The following CSMD3 variants were observed in gnomAD, a reference collection of about 807,000 sequenced individuals.
CSMD3 encodes CUB and sushi domain-containing protein 3.
A neutral mutation model predicts 435.2 loss-of-function variants in CSMD3; 177 were observed. The observed-to-expected ratio is 0.41, with a 90% CI of 0.36 to 0.46. CSMD3 has a LOEUF of 0.46. Ranked by LOEUF, CSMD3 falls within the 20% of genes least tolerant of loss-of-function variation. CSMD3 has a pLI of 0.34. For synonymous variants in CSMD3, 1,656 were observed against 1,520.5 expected, an observed-to-expected ratio of 1.09 and a Z score of -2.07; for missense variants, 4,265 against 4,504.6, an observed-to-expected ratio of 0.95 and a Z score of 1.52.
At chr8:113,061,833 A>T (rs953724346) in intron 5 of CSMD3, among the ~76,000 whole-genome samples, 1 of 151,928 alleles carries the variant, frequency 6.6e-6, no homozygotes, top group African/African-American at 2.4e-5. Flanking sequence ...TTATCTTAAG[A>T]TGTGTAGATG....
rs1832095238 is a variant in CSMD3, at chr8:112,408,991, C to T, written c.5437G>A (p.Asp1813Asn). The change falls in exon 33 of 71, where the codon GAT becomes AAT. Residue 1813 changes from aspartate (D) to asparagine (N), a missense_variant. This residue lies in a region of CSMD3 where 3,255 missense variants were observed against 3,380.2 expected (regional missense o/e 0.96). Transcript: ENST00000297405. Reference sequence around the variant, plus strand: ...GGCCCATCATACACCTCAACAACATCGTGGAGTGATGTCTGGAAAAATACA... The same window carrying T: ...GGCCCATCATACACCTCAACAACATTGTGGAGTGATGTCTGGAAAAATACA... Reference protein sequence around the residue: ...QFVFFQTSLHDVVEVYDGPTQ... With the variant: ...QFVFFQTSLHNVVEVYDGPTQ... 6.2e-7 allele frequency: 1 copy of T among 1,613,446 alleles called. No individual in the cohort carries two copies. The highest frequency in any genetic ancestry group is 2.2e-5 in the East Asian group (1 of 44,846).
At chr8:112,690,301 G>C (rs2076103037) in intron 13 of CSMD3, among the ~76,000 whole-genome samples, 1 of 151,582 alleles carries the variant, frequency 6.6e-6, no homozygotes, top group Non-Finnish European at 1.5e-5. Flanking sequence ...GGTGCCAGAG[G>C]CCATGTACTT....
chr8:112,431,786 A>G (rs1287508051), intron 32 of CSMD3, among the ~76,000 whole-genome samples: 3 of 152,168 alleles, frequency 2.0e-5, no homozygotes, highest in Non-Finnish European at 4.4e-5. Flanking sequence ...GCAATTGTTC[A>G]TGAAGTTCTA....
At chr8:112,701,797 G>A (rs1258580251) in intron 13 of CSMD3, among the ~76,000 whole-genome samples, 6 of 152,140 alleles carry the variant, frequency 3.9e-5, no homozygotes, top group Non-Finnish European at 5.9e-5. Context: ...ACATGTTGAA[G>A]CACTTGTTGT....
intron 3 of CSMD3, among the ~76,000 whole-genome samples, chr8:113,185,653 TG>T (rs1349786581): frequency 6.6e-6 from 1 of 152,054 alleles, no homozygotes; most frequent in Non-Finnish European, 1.5e-5. Flanking sequence ...TTGAAAATGA[TG>T]GGCTGTAGAG....
At chr8:112,536,386 G>A (rs1401120445) in intron 27 of CSMD3, among the ~76,000 whole-genome samples, 2 of 152,206 alleles carry the variant, frequency 1.3e-5, no homozygotes, top group African/African-American at 4.8e-5. Context: ...CTTCTCAAAA[G>A]AGGACACTTA....
At chr8:112,641,621 G>A (rs552953529) in intron 20 of CSMD3, among the ~76,000 whole-genome samples, 1 of 152,066 alleles carries the variant, frequency 6.6e-6, no homozygotes, top group Non-Finnish European at 1.5e-5. Context: ...TGGATTGCTT[G>A]AATCCAGAAG....
At chr8:113,179,772 T>C (rs2092397884) in intron 3 of CSMD3, among the ~76,000 whole-genome samples, 2 of 151,920 alleles carry the variant, frequency 1.3e-5, no homozygotes, top group East Asian at 3.9e-4. Flanking sequence ...AAAATTTTTG[T>C]TATGGTTTCC....
chr8:112,806,971 A>T (rs2079103041), intron 12 of CSMD3, among the ~76,000 whole-genome samples: 1 of 152,208 alleles, frequency 6.6e-6, no homozygotes, highest in African/African-American at 2.4e-5. Flanking sequence ...AATGCTGCAC[A>T]ATTGATTTAC....
chr8:113,434,484 G>T (rs115603240), intron 1 of CSMD3, among the ~76,000 whole-genome samples: 1,776 of 152,204 alleles, frequency 0.012, 47 homozygotes, highest in African/African-American at 0.041. Flanking sequence ...GGCATCATTC[G>T]GAGATTGACA....
At chr8:112,642,826 AT>A (rs1218864285) in intron 20 of CSMD3, among the ~76,000 whole-genome samples, 1 of 152,182 alleles carries the variant, frequency 6.6e-6, no homozygotes, top group East Asian at 1.9e-4. Flanking sequence ...CAAACTTCTT[AT>A]CAATTAGTAT....
intron 28 of CSMD3, among the ~76,000 whole-genome samples, chr8:112,510,282 C>T (rs1216275658): frequency 6.6e-6 from 1 of 152,202 alleles, no homozygotes; most frequent in Non-Finnish European, 1.5e-5. Context: ...AACTGTTTCA[C>T]ATTGTCTAAA....
At chr8:113,209,504 G>C (rs993411822) in intron 3 of CSMD3, among the ~76,000 whole-genome samples, 1 of 151,976 alleles carries the variant, frequency 6.6e-6, no homozygotes, top group African/African-American at 2.4e-5. Flanking sequence ...GAAGTCTTAC[G>C]GTGTTAATGT....
chr8:112,848,391 C>A (rs984047196), intron 11 of CSMD3, among the ~76,000 whole-genome samples: 1 of 152,020 alleles, frequency 6.6e-6, no homozygotes, highest in Non-Finnish European at 1.5e-5. Flanking sequence ...AATTTCCGAA[C>A]AATATATATT....
chr8:112,520,544 G>A (rs576729039), intron 27 of CSMD3, among the ~76,000 whole-genome samples: 9 of 151,898 alleles, frequency 5.9e-5, no homozygotes, highest in African/African-American at 2.2e-4. Context: ...AAAAAAATTC[G>A]ACCAATTTGA....
chr8:112,241,848 A>G (rs1474495471), intron 65 of CSMD3, 63 bp from the exon 66 acceptor site: 114 of 834,084 alleles, frequency 1.4e-4, no homozygotes, highest in Admixed American at 1.1e-3. Flanking sequence ...ACATGCGCAC[A>G]CACACACACG....
At chr8:112,994,777 T>G (rs1353931405) in intron 6 of CSMD3, among the ~76,000 whole-genome samples, 1 of 151,554 alleles carries the variant, frequency 6.6e-6, no homozygotes, top group African/African-American at 2.4e-5. Flanking sequence ...ATATGTGCCA[T>G]GTTTACTTAT....
At chr8:112,429,833 AT>A (rs1162805781) in intron 32 of CSMD3, among the ~76,000 whole-genome samples, 2 of 151,882 alleles carry the variant, frequency 1.3e-5, no homozygotes, top group Admixed American at 6.6e-5. Flanking sequence ...ATCATCAGAA[AT>A]TTTTTTTCTT....
chr8:112,643,148 T>A (rs536246267), intron 20 of CSMD3, among the ~76,000 whole-genome samples: 2 of 152,262 alleles, frequency 1.3e-5, no homozygotes, highest in South Asian at 2.1e-4. Context: ...GAGCTTTTGG[T>A]TGGAGCAAGG....
Sources: allele counts gnomAD v4.1 joint callset (sites outside exome capture counted in the v4.1 genomes callset), GRCh38; gene constraint gnomAD v4.1.1; regional missense constraint gnomAD v4.1.1; transcripts MANE v1.5; gene names NCBI Gene and HGNC (gene_info 2026-07-23, HGNC 2026-07-21).